TG: variants seen among roughly 807,000 people sequenced by gnomAD.
TG encodes the protein thyroglobulin.
TG carries 270 observed loss-of-function variants against 324.7 expected under a neutral mutation model. The ratio of observed to expected loss-of-function variants is 0.83; its 90% CI spans 0.75 to 0.92. The LOEUF is 0.92. Among genes scored for constraint, TG ranks in the 40% least tolerant of loss-of-function variants. The pLI is 0.00. For synonymous variants in TG, 1,401 were observed against 1,327.0 expected, an observed-to-expected ratio of 1.06 and a Z score of -1.21; for missense variants, 3,591 against 3,456.4, an observed-to-expected ratio of 1.04 and a Z score of -0.98.
At chr8:132,992,422 A>T (rs971722238) in intron 35 of TG, among the ~76,000 whole-genome samples, 6 of 152,250 alleles carry the variant, frequency 3.9e-5, no homozygotes, top group African/African-American at 9.6e-5. Flanking sequence ...AAGCTATAGT[A>T]TTAGGTGCAA....
chr8:132,869,929 C>A, intron 3 of TG, 103 bp downstream of exon 3: 1 of 955,292 alleles, frequency 1.0e-6, no homozygotes, highest in Non-Finnish European at 1.6e-6. Flanking sequence ...GGTCCTCCCT[C>A]TGGGCTGCTG....
chr8:133,024,110 C>T (rs1835798720), intron 40 of TG, among the ~76,000 whole-genome samples: 2 of 152,222 alleles, frequency 1.3e-5, no homozygotes, highest in Admixed American at 1.3e-4. Context: ...GATGGGTCAG[C>T]GGAGCTCAGT....
At chr8:133,074,927 G>A (rs368305583) in intron 41 of TG, 296 of 985,548 alleles carry the variant, frequency 3.0e-4, no homozygotes, top group Middle Eastern at 2.1e-3. Flanking sequence ...CTGCCTCTCC[G>A]TCTGTCAACT....
intron 41 of TG, among the ~76,000 whole-genome samples, chr8:133,086,296 A>G (rs1292703998): frequency 2.0e-5 from 3 of 152,188 alleles, no homozygotes; most frequent in African/African-American, 7.2e-5. Context: ...TGATTGCACA[A>G]CTCTGTGACT....
At chr8:132,957,884 A>T (rs1454312009) in intron 27 of TG, among the ~76,000 whole-genome samples, 1 of 152,144 alleles carries the variant, frequency 6.6e-6, no homozygotes, top group African/African-American at 2.4e-5. Context: ...TGGTGCACCC[A>T]TCATCTGAAC....
intron 43 of TG, among the ~76,000 whole-genome samples, chr8:133,100,909 A>G (rs761724015): frequency 6.6e-6 from 1 of 152,198 alleles, no homozygotes; most frequent in Non-Finnish European, 1.5e-5. Context: ...ACTTTACGTT[A>G]TCTCAACTGT....
intron 45 of TG, among the ~76,000 whole-genome samples, chr8:133,125,367 G>C (rs890602868): frequency 3.3e-5 from 5 of 152,234 alleles, no homozygotes; most frequent in African/African-American, 9.6e-5. Context: ...TGACATTTGA[G>C]CTGAGAACCA....
chr8:132,958,100 G>T (rs1963138), intron 27 of TG, among the ~76,000 whole-genome samples: 2 of 152,056 alleles, frequency 1.3e-5, no homozygotes, highest in African/African-American at 4.8e-5. Flanking sequence ...CATCCAGGTC[G>T]CTGCAAATAT....
intron 41 of TG, chr8:133,050,293 A>G: frequency 4.7e-6 from 2 of 422,536 alleles, no homozygotes; most frequent in East Asian, 4.5e-5. Flanking sequence ...ATAAATGTTT[A>G]CTATGTTGAT....
intron 34 of TG, among the ~76,000 whole-genome samples, chr8:132,977,314 A>G (rs1001755448): frequency 1.3e-5 from 2 of 152,182 alleles, no homozygotes. Context: ...CTCTGTCAGC[A>G]CTGGCACATG....
intron 41 of TG, among the ~76,000 whole-genome samples, chr8:133,051,717 A>G (rs915276524): frequency 6.6e-6 from 1 of 152,198 alleles, no homozygotes; most frequent in Admixed American, 6.5e-5. Context: ...GTCTGCTTCT[A>G]TCCTTAGTGA....
At position 133,134,578 on chromosome 8, in the gene TG, C is replaced by T. The variant is rs1026155027; in HGVS notation, c.8189-98C>T. 20 of 1,114,760 alleles carry T rather than the reference C, an allele frequency of 1.8e-5. No individual in the cohort carries two copies. The Admixed American group carries it at 3.4e-4, about 19-fold the overall frequency. 69.1% of individuals were successfully genotyped at this position (1,114,760 alleles called of 1,614,324 possible). On this transcript the variant is annotated intron_variant, in intron 47 of 47. Transcript: ENST00000220616. ...TCTAAAGGGCATTAGCAAGAAATGT[C>T]CACTGGAGGCTGGGGTCTCTTTGGG...
At position 133,098,540 on chromosome 8, in the gene TG, A is replaced by G. The variant is rs557775632; in HGVS notation, c.7572+2167A>G. ...CAGGGGATGCAAAATCTCTGTGCAC[A>G]AGACACCATGTCCTCACAGCTCTGG... On this transcript the variant is annotated intron_variant, in intron 43 of 47. Coordinates refer to ENST00000220616, the MANE Select transcript of TG (RefSeq NM_003235.5). Among the ~76,000 whole-genome samples, 20 of 152,330 alleles carry G rather than the reference A, an allele frequency of 1.3e-4. 1 individual carries two copies. The highest frequency in any genetic ancestry group is 1.2e-3 in the South Asian group (6 of 4,830).
chr8:132,938,386 G>A (rs571069872), intron 25 of TG, among the ~76,000 whole-genome samples: 3 of 152,138 alleles, frequency 2.0e-5, no homozygotes, highest in Admixed American at 6.5e-5. Context: ...GTGCCCAAAG[G>A]TTCTTTAGAG....
At position 133,119,225 on chromosome 8, in the gene TG, C is replaced by T. The variant is rs575086687; in HGVS notation, c.7862+2509C>T. Among the ~76,000 whole-genome samples the T allele has an allele frequency of 1.7e-4, 26 of 152,256 alleles. No individual in the cohort carries two copies. The South Asian group carries it at 4.6e-3, about 27-fold the overall frequency. ...CAGTCCCCAAAGTGCTCTCATTTCC[C>T]CGGAGCACCCATTATTCATCCGCTT... On this transcript the variant is annotated intron_variant, in intron 45 of 47. Coordinates refer to ENST00000220616, the MANE Select transcript of TG (RefSeq NM_003235.5).
chr8:132,956,082 A>G (rs1021110360), intron 27 of TG, among the ~76,000 whole-genome samples: 5 of 152,218 alleles, frequency 3.3e-5, no homozygotes, highest in African/African-American at 1.2e-4. Context: ...GAAGAGGTGG[A>G]ATGATGCTTG....
intron 41 of TG, among the ~76,000 whole-genome samples, chr8:133,087,071 TACACAC>T (rs56028043): frequency 0.2 from 29,215 of 142,738 alleles, 3,137 homozygotes; most frequent in Admixed American, 0.23. Flanking sequence ...AATATATGTT[TACACAC>T]ACACACACAC....
rs184474552 is a variant in TG, at chr8:132,887,408, G to T, written c.2036G>T (p.Gly679Val). The T allele has an allele frequency of 6.2e-7, 1 of 1,614,190 alleles. No homozygotes were observed. The highest frequency in any genetic ancestry group is 1.3e-5 in the African/African-American group (1 of 75,046). ...AGCCTCATGGGCAGCCAGCCTGCTG[G>T]CTCCACCTTGTTTGTCCCTGCTTGT... ...MQSLMGSQPAGSTLFVPACTS... is the reference protein window; with the variant it reads ...MQSLMGSQPAVSTLFVPACTS... Residue 679 changes from glycine (G) to valine (V), a missense_variant, in exon 9 of 48, where the codon GGC becomes GTC. By Grantham distance (109) the Gly-to-Val change is moderately radical. Coordinates refer to ENST00000220616, the MANE Select transcript of TG (RefSeq NM_003235.5).
chr8:132,906,972 G>A (rs1414207766), intron 17 of TG, 72 bp downstream of exon 17: 1 of 1,484,832 alleles, frequency 6.7e-7, no homozygotes. Context: ...GAGATATGGA[G>A]GCGTGGCTGC....
Sources: gnomAD v4.1 joint callset for allele counts (sites outside exome capture counted in the v4.1 genomes callset) on GRCh38, gnomAD v4.1.1 for gene constraint, MANE v1.5 for transcripts, NCBI Gene and HGNC (gene_info 2026-07-23, HGNC 2026-07-21) for gene names.